CRYBG3: variants seen among roughly 807,000 people sequenced by gnomAD.
CRYBG3 encodes crystallin beta-gamma domain containing 3, also known as very large A-kinase anchor protein.
In CRYBG3, 127 loss-of-function variants were observed where a neutral mutation model predicts 244.2. The observed-to-expected ratio is 0.52, with a 90% CI of 0.45 to 0.60. CRYBG3 has a LOEUF of 0.60. Ranked by LOEUF, CRYBG3 falls within the 20% of genes least tolerant of loss-of-function variation. The pLI is 0.00. For missense variants in CRYBG3, 3,325 were observed against 3,442.5 expected (o/e 0.97, Z 0.85); for synonymous variants, 1,132 against 1,195.8 (o/e 0.95, Z 1.10).
chr3:97,936,795 T>C lies in CRYBG3; in HGVS notation c.8392T>C (p.Tyr2798His), dbSNP rs2040170389. ...TTCTTGTTCTCATAGATGGATAGCT[T>C]ATGAAGGATCCAATTTCTTGGGAAG... ...VWVKSGLWIA[Y>H]EGSNFLGRQI... Residue 2798 changes from tyrosine (Y) to histidine (H), a missense_variant, in exon 19 of 22, where the codon TAT (tyrosine) becomes CAT (histidine). Tyr to His is a moderately conservative substitution (Grantham distance 83, BLOSUM62 2). Coordinates refer to ENST00000389622, the MANE Select transcript of CRYBG3 (RefSeq NM_153605.4). The C allele has an allele frequency of 6.2e-7, 1 of 1,612,868 alleles. No homozygotes were observed. Among genetic ancestry groups the C allele is most frequent in the Non-Finnish European group, 8.5e-7 (1 of 1,179,290 alleles).
At chr3:97,887,617 A>G (rs1245692699) in intron 8 of CRYBG3, among the ~76,000 whole-genome samples, 2 of 152,130 alleles carry the variant, frequency 1.3e-5, no homozygotes, top group South Asian at 4.1e-4. Context: ...TTAGCTGGGC[A>G]TGGTGGCGCA....
In CRYBG3 at chr3:97,874,621, G is replaced by A; in HGVS notation, c.3427G>A (p.Ala1143Thr). The A allele has an allele frequency of 6.5e-7, 1 of 1,536,024 alleles. No homozygotes were observed. Among genetic ancestry groups the A allele is most frequent in the Non-Finnish European group, 8.7e-7 (1 of 1,146,860 alleles). Residue 1143 changes from alanine (A) to threonine (T), a missense_variant, in exon 4 of 22, where the codon GCT becomes ACT. Ala to Thr is a moderately conservative substitution (Grantham distance 58, BLOSUM62 0). This residue lies in a region of CRYBG3 where 1,526 missense variants were observed against 1,443.2 expected (regional missense o/e 1.06). Coordinates refer to ENST00000389622, the MANE Select transcript of CRYBG3 (RefSeq NM_153605.4). ...GAAGATATCCATTGATTTCCCAACT[G>A]CTGCCCAATTTGACAATCTCGTGGA... ...TGKISIDFPT[A>T]AQFDNLVEAE...
intron 2 of CRYBG3, among the ~76,000 whole-genome samples, chr3:97,858,691 C>G (rs1410350129): frequency 1.3e-5 from 2 of 152,022 alleles, no homozygotes; most frequent in Non-Finnish European, 2.9e-5. Flanking sequence ...ATCTTGTTGA[C>G]TTTATCATTC....
In CRYBG3 at chr3:97,822,185, G is replaced by A. The variant is rs1043503797; in HGVS notation, c.-22G>A. 4 of 1,504,176 alleles carry A rather than the reference G, an allele frequency of 2.7e-6. No individual in the cohort carries two copies. The highest frequency in any genetic ancestry group is 3.5e-6 in the Non-Finnish European group (4 of 1,131,564). 93.2% of individuals were successfully genotyped at this position (1,504,176 alleles called of 1,614,324 possible). A position where few individuals can be genotyped will look rare whatever the true frequency, so the allele number is the denominator to read the frequency against. On this transcript the variant is annotated 5_prime_UTR_variant, in exon 1 of 22. Coordinates refer to ENST00000389622, the MANE Select transcript of CRYBG3 (RefSeq NM_153605.4). The stretch of plus-strand genomic sequence containing the variant: ...TAGGCCGTTCCCTTCAGACAGCCCC[G>A]GGCCAGCGGCCCCCTCGGGAAATGT...
chr3:97,854,193 C>T (rs1043783985), intron 2 of CRYBG3, among the ~76,000 whole-genome samples: 5 of 152,122 alleles, frequency 3.3e-5, no homozygotes, highest in African/African-American at 1.2e-4. Flanking sequence ...CTATCTTATA[C>T]CAGTACCATG....
chr3:97,835,928 T>A (rs2038726840), intron 1 of CRYBG3, among the ~76,000 whole-genome samples: 1 of 152,136 alleles, frequency 6.6e-6, no homozygotes, highest in Admixed American at 6.5e-5. Flanking sequence ...ATTCAGAATC[T>A]GAAGGTTATG....
At chr3:97,891,139 A>G (rs921161561) in intron 10 of CRYBG3, among the ~76,000 whole-genome samples, 5 of 152,206 alleles carry the variant, frequency 3.3e-5, no homozygotes, top group Non-Finnish European at 5.9e-5. Context: ...TTTAAAGTCA[A>G]TAGATAATTT....
At chr3:97,871,796 T>C (rs1388457267) in intron 3 of CRYBG3, 46 bp from the exon 4 acceptor site, 13 of 1,312,824 alleles carry the variant, frequency 9.9e-6, no homozygotes, top group African/African-American at 1.5e-5. Context: ...TAGTATTAAG[T>C]ATTATTAATT....
At chr3:97,853,425 A>G (rs980563516) in intron 2 of CRYBG3, among the ~76,000 whole-genome samples, 6 of 151,708 alleles carry the variant, frequency 4.0e-5, no homozygotes, top group Non-Finnish European at 8.8e-5. Context: ...ACACACACAC[A>G]CACACACACA....
chr3:97,825,858 A>G (rs2038570148), intron 1 of CRYBG3, among the ~76,000 whole-genome samples: 1 of 152,150 alleles, frequency 6.6e-6, no homozygotes, highest in Admixed American at 6.5e-5. Flanking sequence ...AGCATGGGAG[A>G]GCTATTGGCC....
At chr3:97,854,610 G>C (rs892455841) in intron 2 of CRYBG3, among the ~76,000 whole-genome samples, 7 of 147,786 alleles carry the variant, frequency 4.7e-5, no homozygotes, top group African/African-American at 1.5e-4. Flanking sequence ...TTTTTTTGCA[G>C]CTGTTGTAAA....
chr3:97,835,706 A>G (rs2038722997), intron 1 of CRYBG3, among the ~76,000 whole-genome samples: 1 of 152,138 alleles, frequency 6.6e-6, no homozygotes, highest in African/African-American at 2.4e-5. Flanking sequence ...CAGAGGAGGA[A>G]GGATTTCAGT....
rs1341505765 is a variant in CRYBG3 at position 97,899,020 on chromosome 3, T to C, written c.7839T>C (p.Ser2613=). 6.2e-7 allele frequency: 1 copy of C among 1,610,816 alleles called. No individual in the cohort carries two copies. The part of the protein sequence containing the change: ...GSKTRSIHVK[S]GVWVAYQQKF... ...AAACAAGATCCATTCATGTTAAAAGTGGAGTGTAAGTTGCCTCCTCTAAGA... is the reference window on the plus strand; with the variant it reads ...AAACAAGATCCATTCATGTTAAAAGCGGAGTGTAAGTTGCCTCCTCTAAGA... The change falls in exon 13 of 22, where the codon AGT becomes AGC. Residue 2613 remains serine, a synonymous_variant. Coordinates refer to ENST00000389622, the MANE Select transcript of CRYBG3 (RefSeq NM_153605.4).
Position 97,861,807 on chromosome 3 carries a change from A to G in CRYBG3, c.217-2410A>G, listed in dbSNP as rs990715523. On this transcript the variant is annotated intron_variant, in intron 2 of 21. Coordinates refer to ENST00000389622, the MANE Select transcript of CRYBG3 (RefSeq NM_153605.4). The stretch of plus-strand genomic sequence containing the variant: ...TTGTCCAGGTTGAGGGTGAAGAACA[A>G]CTGCTTTAGATCAATCTTAAAATTT... Among the ~76,000 whole-genome samples the G allele has an allele frequency of 5.7e-4, 86 of 152,160 alleles. 1 individual carries two copies. Among genetic ancestry groups the G allele is most frequent in the African/African-American group, 2.0e-3 (84 of 41,442 alleles).
rs1460200073 is a variant in CRYBG3 at position 97,942,463 on chromosome 3, C to T, written c.8824+20C>T. The T allele has an allele frequency of 6.3e-7, 1 of 1,591,060 alleles. No homozygotes were observed. Reference sequence around the variant, plus strand: ...TTAAAGGTGGGCCTTTGATGATACCCAATGTTGTGTCCCTGGATATTAGTT... The same window carrying T: ...TTAAAGGTGGGCCTTTGATGATACCTAATGTTGTGTCCCTGGATATTAGTT... On this transcript the variant is annotated intron_variant, in intron 21 of 21. Transcript: ENST00000389622.
intron 1 of CRYBG3, among the ~76,000 whole-genome samples, chr3:97,834,486 T>C (rs2038702234): frequency 6.6e-6 from 1 of 152,180 alleles, no homozygotes; most frequent in Admixed American, 6.5e-5. Flanking sequence ...AGATCATAAA[T>C]TTCTTGTAAC....
At chr3:97,834,290 A>G (rs1165751956) in intron 1 of CRYBG3, among the ~76,000 whole-genome samples, 1 of 152,200 alleles carries the variant, frequency 6.6e-6, no homozygotes, top group East Asian at 1.9e-4. Flanking sequence ...TATAGAAAAC[A>G]GTTAAGGAAA....
chr3:97,881,287 C>T (rs2039444297), intron 7 of CRYBG3, 68 bp downstream of exon 7: 3 of 1,063,436 alleles, frequency 2.8e-6, no homozygotes, highest in Non-Finnish European at 4.0e-6. Context: ...TGTGCTGTGG[C>T]CTGGCGATGT....
chr3:97,857,292 TATG>T (rs1229415162), intron 2 of CRYBG3, among the ~76,000 whole-genome samples: 2 of 152,120 alleles, frequency 1.3e-5, no homozygotes, highest in African/African-American at 4.8e-5. Flanking sequence ...TGGCCTGAAA[TATG>T]ATGTGTTCTG....
Sources: gnomAD v4.1 joint callset for allele counts (sites outside exome capture counted in the v4.1 genomes callset) on GRCh38, gnomAD v4.1.1 for gene constraint, gnomAD v4.1.1 regional missense constraint, MANE v1.5 for transcripts, NCBI Gene and HGNC (gene_info 2026-07-23, HGNC 2026-07-21) for gene names.